The following CATSPERG variants were observed in gnomAD, a reference collection of about 807,000 sequenced individuals.
The protein encoded by CATSPERG is catsper channel auxiliary subunit gamma.
A neutral mutation model predicts 145.0 loss-of-function variants in CATSPERG; 115 were observed. That is an observed-to-expected ratio of 0.79 (90% confidence interval 0.68 to 0.93). The LOEUF (loss-of-function observed/expected upper bound fraction) is 0.93. Among genes scored for constraint, CATSPERG ranks in the 40% least tolerant of loss-of-function variants. The pLI, the probability that CATSPERG is intolerant of heterozygous loss-of-function variation, is 0.00. For missense variants in CATSPERG, 1,296 were observed against 1,490.1 expected, an observed-to-expected ratio of 0.87 and a Z score of 2.14; for synonymous variants, 588 against 589.0, an observed-to-expected ratio of 1.00 and a Z score of 0.02.
At chr19:38,365,175 A>G in intron 22 of CATSPERG, 58 bp downstream of exon 22, 2 of 1,440,366 alleles carry the variant, frequency 1.4e-6, no homozygotes, top group Non-Finnish European at 2.0e-6. Context: ...GGGTCTCAAC[A>G]GGGCTAATCC....
rs112727056 is a variant in CATSPERG, at chr19:38,370,538, G to A, written c.3226G>A (p.Val1076Met). The change falls in exon 29 of 29, where the codon GTG (valine) becomes ATG (methionine). Residue 1076 changes from valine to methionine, a missense_variant. Val to Met is a conservative substitution (Grantham distance 21). Coordinates refer to ENST00000409235, the MANE Select transcript of CATSPERG (RefSeq NM_021185.5). The stretch of plus-strand genomic sequence containing the variant: ...TTGCTCCCTGCAGGTGTCAGCTAGC[G>A]TGTTTGTGGGCCTGGTGATCTTCTA... ...ALFIIMVSAS[V>M]FVGLVIFYIA... 8.8e-4 allele frequency: 1,422 copies of A among 1,614,132 alleles called. 10 individuals carry two copies. In the African/African-American group the frequency reaches 0.016, roughly 18 times the overall value.
rs1037266431 is a variant in CATSPERG, at chr19:38,356,778, C to T, written c.1232C>T (p.Ala411Val). 20 of 1,613,996 alleles carry T rather than the reference C, an allele frequency of 1.2e-5. No homozygotes were observed. Among genetic ancestry groups the T allele is most frequent in the East Asian group, 6.7e-5 (3 of 44,890 alleles). ...TCSIIWSEYIAGEYTLLLLVE... is the reference protein window; with the variant it reads ...TCSIIWSEYIVGEYTLLLLVE... Reference sequence around the variant, plus strand: ...TCCATAATTTGGTCTGAATACATCGCGGGTGAGTATACTCTACTGCTGCTG... The same window carrying T: ...TCCATAATTTGGTCTGAATACATCGTGGGTGAGTATACTCTACTGCTGCTG... The change falls in exon 11 of 29, where the codon GCG (alanine) becomes GTG (valine). Residue 411 changes from alanine (A) to valine (V), a missense_variant. Transcript: ENST00000409235.
At chr19:38,361,888 GCCTGAGA>G (rs1205624691) in intron 17 of CATSPERG, 27 bp downstream of exon 17, 21 of 1,575,414 alleles carry the variant, frequency 1.3e-5, no homozygotes, top group Non-Finnish European at 1.6e-5. Context: ...GGGCGGGCAG[GCCTGAGA>G]CGGGACTGGG....
chr19:38,347,458 T>G (rs1346937876), intron 7 of CATSPERG, among the ~76,000 whole-genome samples: 1 of 152,144 alleles, frequency 6.6e-6, no homozygotes, highest in East Asian at 1.9e-4. Flanking sequence ...CTCTGGAAAA[T>G]TCTGCATTGC....
intron 6 of CATSPERG, 154 bp downstream of exon 6, chr19:38,344,522 G>C (rs1321290092): frequency 1.4e-6 from 1 of 691,144 alleles, no homozygotes. Context: ...GTGACCTGTC[G>C]AGGGGACGTA....
intron 26 of CATSPERG, 86 bp from the exon 27 acceptor site, chr19:38,369,886 C>T (rs558113907): frequency 3.3e-4 from 431 of 1,287,280 alleles, no homozygotes; most frequent in Non-Finnish European, 4.4e-4. Flanking sequence ...TGGTCCTCAC[C>T]GAAAACATTG....
At chr19:38,359,364 G>A in intron 13 of CATSPERG, 106 bp from the exon 14 acceptor site, 2 of 700,782 alleles carry the variant, frequency 2.9e-6, no homozygotes, top group African/African-American at 1.8e-5. Flanking sequence ...TCCTTTGCAT[G>A]TTCTTACAAG....
At position 38,370,941 on chromosome 19, in the gene CATSPERG, G is replaced by A. The variant is rs1007899118; in HGVS notation, c.*149G>A. The A allele has an allele frequency of 1.6e-5, 13 of 809,208 alleles. No individual in the cohort carries two copies. Among genetic ancestry groups the A allele is most frequent in the Non-Finnish European group, 2.1e-5 (11 of 519,656 alleles). The allele number at this position is 809,208 out of a possible 1,614,324, so 50.1% of individuals were successfully genotyped here. On this transcript the variant is annotated 3_prime_UTR_variant, in exon 29 of 29. Transcript: ENST00000409235. ...CAGACTCAAATAAAGCCTTTTTTCA[G>A]GACCAGCAGTGGGCTCTCTTAAAAG...
chr19:38,340,243 A>C (rs1284002961), intron 3 of CATSPERG, among the ~76,000 whole-genome samples: 7 of 151,748 alleles, frequency 4.6e-5, no homozygotes, highest in Non-Finnish European at 1.0e-4. Flanking sequence ...TTCTGGACTC[A>C]ATTCTATTCT....
rs1481927339 is a variant in CATSPERG at position 38,362,391 on chromosome 19, T to C, written c.2173T>C (p.Leu725=). 6.2e-7 allele frequency: 1 copy of C among 1,614,182 alleles called. No homozygotes were observed. Among genetic ancestry groups the C allele is most frequent in the East Asian group, 2.2e-5 (1 of 44,874 alleles). The part of the protein sequence containing the change: ...NKQDQDYYFF[L]ASNWRSAGGV... ...GGTACCCCAGGATTACTACTTCTTC[T>C]TGGCGAGCAATTGGCGAAGCGCGGG... The change falls in exon 19 of 29, where the codon TTG becomes CTG. Residue 725 remains leucine, a synonymous_variant. Transcript: ENST00000409235.
At chr19:38,359,371 C>A (rs1311329711) in intron 13 of CATSPERG, 99 bp from the exon 14 acceptor site, 1 of 733,384 alleles carries the variant, frequency 1.4e-6, no homozygotes, top group Non-Finnish European at 2.5e-6. Flanking sequence ...CATGTTCTTA[C>A]AAGTGGAGAA....
Position 38,363,489 on chromosome 19 carries a change from CTT to C in CATSPERG, c.2475+676_2475+677del, listed in dbSNP as rs1173452820. 8.8e-4 allele frequency among the ~76,000 whole-genome samples: 113 copies of C among 128,202 alleles called. 1 individual carries two copies. In the South Asian group the frequency reaches 0.015, roughly 18 times the overall value. The allele number at this position is 128,202 out of a possible 152,430, so 84.1% of individuals were successfully genotyped here. A position where few individuals can be genotyped will look rare whatever the true frequency, so the allele number is the denominator to read the frequency against. The stretch of plus-strand genomic sequence containing the variant: ...TGTGCTTGGCCCCGTTAGCCTATTC[CTT>C]TTTTTTTTTTTTTTTTTTATTGATC... On this transcript the variant is annotated intron_variant, in intron 20 of 28. Coordinates refer to ENST00000409235, the MANE Select transcript of CATSPERG (RefSeq NM_021185.5).
intron 6 of CATSPERG, among the ~76,000 whole-genome samples, chr19:38,344,901 A>ATTTTTTT (rs1158525255): frequency 5.0e-5 from 4 of 80,018 alleles, no homozygotes; most frequent in African/African-American, 9.5e-5. Context: ...ATATATATAT[A>ATTTTTTT]TTTTTTTTTT....
chr19:38,346,585 A>C lies in CATSPERG; in HGVS notation c.805A>C (p.Lys269Gln). Residue 269 changes from lysine to glutamine, a missense_variant, in exon 7 of 29, where the codon AAG becomes CAG. By Grantham distance (53) the Lys-to-Gln change is moderately conservative. Coordinates refer to ENST00000409235, the MANE Select transcript of CATSPERG (RefSeq NM_021185.5). ...KYVLMTDTSF[K>Q]DFSLVELSID... ...CGTCCTGATGACTGACACCAGCTTCAAGGACTTCTCTCTCGTGGAGGTGAA... is the reference window on the plus strand; with the variant it reads ...CGTCCTGATGACTGACACCAGCTTCCAGGACTTCTCTCTCGTGGAGGTGAA... 1.3e-6 allele frequency: 2 copies of C among 1,551,332 alleles called. No individual in the cohort carries two copies. Among genetic ancestry groups the C allele is most frequent in the Non-Finnish European group, 1.7e-6 (2 of 1,146,722 alleles).
intron 3 of CATSPERG, among the ~76,000 whole-genome samples, chr19:38,338,123 C>T (rs1352587829): frequency 6.6e-6 from 1 of 151,660 alleles, no homozygotes; most frequent in Non-Finnish European, 1.5e-5. Flanking sequence ...AGTAGGTGCT[C>T]AAGTAAGCTT....
At chr19:38,363,580 TC>T (rs1970391840) in intron 20 of CATSPERG, among the ~76,000 whole-genome samples, 1 of 150,172 alleles carries the variant, frequency 6.7e-6, no homozygotes. Flanking sequence ...TGAACAAAGG[TC>T]TCTGGTTTTC....
In CATSPERG at chr19:38,370,546, G is replaced by A. The variant is rs767139777; in HGVS notation, c.3234G>A (p.Val1078=). The A allele has an allele frequency of 3.7e-6, 6 of 1,614,138 alleles. No homozygotes were observed. In the South Asian group the frequency reaches 5.5e-5, roughly 15 times the overall value. ...TGCAGGTGTCAGCTAGCGTGTTTGT[G>A]GGCCTGGTGATCTTCTACATCGCCT... ...FIIMVSASVF[V]GLVIFYIAFC... The change falls in exon 29 of 29, where the codon GTG becomes GTA. Residue 1078 remains valine (V), a synonymous_variant. Coordinates refer to ENST00000409235, the MANE Select transcript of CATSPERG (RefSeq NM_021185.5).
intron 10 of CATSPERG, 38 bp downstream of exon 10, chr19:38,356,581 G>C: frequency 6.2e-7 from 1 of 1,607,444 alleles, no homozygotes; most frequent in South Asian, 1.1e-5. Context: ...TGGGAGGCTG[G>C]GGGAACTGAG....
intron 7 of CATSPERG, among the ~76,000 whole-genome samples, chr19:38,347,197 C>T (rs1184352742): frequency 2.0e-5 from 3 of 151,910 alleles, no homozygotes; most frequent in Admixed American, 1.3e-4. Context: ...GGAGACAGAT[C>T]GAGACCCTGT....
Sources: allele counts gnomAD v4.1 joint callset (sites outside exome capture counted in the v4.1 genomes callset), GRCh38; gene constraint gnomAD v4.1.1; transcripts MANE v1.5; gene names NCBI Gene and HGNC (gene_info 2026-07-23, HGNC 2026-07-21).